Variants in SPRED1 observed in about 807,000 individuals in gnomAD.
SPRED1 encodes sprouty-related, EVH1 domain-containing protein 1.
In SPRED1, 18 loss-of-function variants were observed where a neutral mutation model predicts 52.3. The ratio of observed to expected loss-of-function variants is 0.34; its 90% CI spans 0.24 to 0.51. The LOEUF (loss-of-function observed/expected upper bound fraction) is 0.51, where lower values mean the gene tolerates loss of function less well. Ranked by LOEUF, SPRED1 falls within the 20% of genes least tolerant of loss-of-function variation. The pLI is 0.97. For missense variants in SPRED1, 485 were observed against 551.0 expected (o/e 0.88, Z 1.20); for synonymous variants, 155 against 179.7 (o/e 0.86, Z 1.10).
chr15:38,341,470 G>T (rs1215601198), intron 5 of SPRED1, among the ~76,000 whole-genome samples: 4 of 150,088 alleles, frequency 2.7e-5, no homozygotes, highest in African/African-American at 7.4e-5. Context: ...TTTCATTTAA[G>T]TACTCCTCTA....
chr15:38,343,008 A>G (rs539070533), intron 5 of SPRED1, among the ~76,000 whole-genome samples: 1 of 152,268 alleles, frequency 6.6e-6, no homozygotes, highest in South Asian at 2.1e-4. Flanking sequence ...ATCACTACAT[A>G]TTGAGACAGT....
intron 2 of SPRED1, among the ~76,000 whole-genome samples, chr15:38,307,723 T>C (rs891352422): frequency 1.3e-5 from 2 of 152,204 alleles, no homozygotes; most frequent in African/African-American, 4.8e-5. Flanking sequence ...CTCTAAATTA[T>C]GGTAACTTTA....
intron 2 of SPRED1, among the ~76,000 whole-genome samples, chr15:38,305,161 T>G (rs1311832737): frequency 1.3e-5 from 2 of 151,840 alleles, no homozygotes; most frequent in Non-Finnish European, 2.9e-5. Flanking sequence ...AAACCCCACC[T>G]CTACTAAAAA....
At chr15:38,299,026 G>A (rs1895096997) in intron 1 of SPRED1, among the ~76,000 whole-genome samples, 1 of 152,170 alleles carries the variant, frequency 6.6e-6, no homozygotes, top group Non-Finnish European at 1.5e-5. Context: ...ATATAGACAA[G>A]TTTTATGGTA....
chr15:38,342,437 A>T (rs960712127), intron 5 of SPRED1, among the ~76,000 whole-genome samples: 4 of 152,098 alleles, frequency 2.6e-5, no homozygotes, highest in Non-Finnish European at 4.4e-5. Flanking sequence ...TACTATTTTA[A>T]ACAGTTAGCA....
At chr15:38,276,722 A>T (rs1486597406) in intron 1 of SPRED1, among the ~76,000 whole-genome samples, 2 of 152,180 alleles carry the variant, frequency 1.3e-5, no homozygotes, top group Non-Finnish European at 2.9e-5. Context: ...TATCATTTTA[A>T]TTCTCATGTT....
chr15:38,327,877 A>G (rs1354097806), intron 4 of SPRED1, among the ~76,000 whole-genome samples: 2 of 152,216 alleles, frequency 1.3e-5, no homozygotes, highest in Non-Finnish European at 2.9e-5. Context: ...AGGGAAGTTT[A>G]ACTTTTTCTT....
chr15:38,262,366 G>A (rs1047280629), intron 1 of SPRED1, among the ~76,000 whole-genome samples: 2 of 152,216 alleles, frequency 1.3e-5, no homozygotes, highest in Non-Finnish European at 2.9e-5. Flanking sequence ...GGCTCAAGGA[G>A]AAAGTGATTC....
At chr15:38,310,418 G>A (rs1295107343) in intron 2 of SPRED1, among the ~76,000 whole-genome samples, 1 of 152,104 alleles carries the variant, frequency 6.6e-6, no homozygotes, top group Non-Finnish European at 1.5e-5. Context: ...TGGGATTACA[G>A]GCATGAGCCA....
At position 38,353,664 on chromosome 15, in the gene SPRED1, T is replaced by C. The variant is rs1290467305; in HGVS notation, c.*2000T>C. Reference sequence around the variant, plus strand: ...AGACTGTTAACTTTCAAAATTTTTATTGGTGAAATGGAAATACTGTTTTTC... The same window carrying C: ...AGACTGTTAACTTTCAAAATTTTTACTGGTGAAATGGAAATACTGTTTTTC... On this transcript the variant is annotated 3_prime_UTR_variant, in exon 7 of 7. Coordinates refer to ENST00000299084, the MANE Select transcript of SPRED1 (RefSeq NM_152594.3). 3 of 152,592 alleles carry C rather than the reference T, an allele frequency of 2.0e-5. No individual in the cohort carries two copies. Among genetic ancestry groups the C allele is most frequent in the African/African-American group, 7.2e-5 (3 of 41,462 alleles). 9.5% of individuals were successfully genotyped at this position (152,592 alleles called of 1,614,324 possible).
chr15:38,260,126 C>T (rs1403474244), intron 1 of SPRED1, among the ~76,000 whole-genome samples: 1 of 152,196 alleles, frequency 6.6e-6, no homozygotes. Context: ...CAACGTACTA[C>T]AAATTGGGTG....
At chr15:38,257,775 G>C (rs1894129068) in intron 1 of SPRED1, among the ~76,000 whole-genome samples, 1 of 152,138 alleles carries the variant, frequency 6.6e-6, no homozygotes, top group Non-Finnish European at 1.5e-5. Context: ...TAGTGCCAAG[G>C]GTGAGGAACT....
chr15:38,276,178 G>A (rs1049589864), intron 1 of SPRED1, among the ~76,000 whole-genome samples: 1 of 150,296 alleles, frequency 6.7e-6, no homozygotes, highest in African/African-American at 2.4e-5. Flanking sequence ...GTGAGTATTT[G>A]CATATGTACT....
At chr15:38,316,577 T>G (rs2140990534) in intron 2 of SPRED1, among the ~76,000 whole-genome samples, 1 of 152,014 alleles carries the variant, frequency 6.6e-6, no homozygotes, top group Non-Finnish European at 1.5e-5. Context: ...ATTATTATAG[T>G]CACTTTCCTA....
intron 1 of SPRED1, among the ~76,000 whole-genome samples, chr15:38,269,898 T>G (rs1372903856): frequency 7.7e-6 from 1 of 130,622 alleles, no homozygotes; most frequent in Non-Finnish European, 1.5e-5. Flanking sequence ...GGAGCATTTC[T>G]TTCTTTCTTT....
chr15:38,267,093 A>G lies in SPRED1; in HGVS notation c.32+13876A>G, dbSNP rs538381898. On this transcript the variant is annotated intron_variant, in intron 1 of 6. Coordinates refer to ENST00000299084, the MANE Select transcript of SPRED1 (RefSeq NM_152594.3). The stretch of plus-strand genomic sequence containing the variant: ...ATAATTACATCAAAAGAAATCAACT[A>G]AAAACCCAGCACAGCTTTCAACTGC... Among the ~76,000 whole-genome samples, 184 of 152,338 alleles carry G rather than the reference A, an allele frequency of 1.2e-3. 2 individuals carry two copies. The highest frequency in any genetic ancestry group is 3.5e-3 in the Admixed American group (54 of 15,300).
At chr15:38,319,553 T>C (rs1042980972) in intron 2 of SPRED1, among the ~76,000 whole-genome samples, 1 of 152,162 alleles carries the variant, frequency 6.6e-6, no homozygotes, top group Non-Finnish European at 1.5e-5. Context: ...CTAATTTTTG[T>C]ATTTTAGTGG....
At chr15:38,330,801 G>A (rs1002807286) in intron 4 of SPRED1, among the ~76,000 whole-genome samples, 7 of 152,058 alleles carry the variant, frequency 4.6e-5, no homozygotes, top group Non-Finnish European at 1.0e-4. Flanking sequence ...TTACAAGAAT[G>A]ATGTTCTTGA....
intron 1 of SPRED1, among the ~76,000 whole-genome samples, chr15:38,267,489 C>T (rs1331280601): frequency 6.6e-6 from 1 of 152,106 alleles, no homozygotes; most frequent in Non-Finnish European, 1.5e-5. Context: ...TGAAAATTCA[C>T]ATTTTTTTCT....
Sources: gnomAD v4.1 joint callset for allele counts (sites outside exome capture counted in the v4.1 genomes callset) on GRCh38, gnomAD v4.1.1 for gene constraint, MANE v1.5 for transcripts, NCBI Gene and HGNC (gene_info 2026-07-23, HGNC 2026-07-21) for gene names.